LRCH4: variants seen among roughly 807,000 people sequenced by gnomAD.
LRCH4 encodes the protein leucine-rich repeat and calponin homology domain-containing protein 4.
LRCH4 carries 56 observed loss-of-function variants against 81.2 expected under a neutral mutation model. The observed-to-expected ratio is 0.69, with a 90% CI of 0.56 to 0.86. The LOEUF (loss-of-function observed/expected upper bound fraction) is 0.86, where lower values mean the gene tolerates loss of function less well. Ranked by LOEUF, LRCH4 falls within the 40% of genes least tolerant of loss-of-function variation. The pLI is 0.00. For missense variants in LRCH4, 895 were observed against 922.8 expected (o/e 0.97, Z 0.39); for synonymous variants, 442 against 409.7 (o/e 1.08, Z -0.95).
chr7:100,585,927 G>A lies in LRCH4; in HGVS notation c.174C>T (p.Pro58=), dbSNP rs778995708. Residue 58 remains proline (P), a synonymous_variant, in exon 1 of 18, where the codon CCC becomes CCT. Transcript: ENST00000310300. The part of the protein sequence containing the change: ...NLSNRRLKHF[P]RGAARSYDLS... ...GGTCGTAGCTACGGGCCGCGCCCCG[G>A]GGGAAGTGCTTCAAGCGCCGGTTAG... The A allele has an allele frequency of 1.1e-5, 17 of 1,612,184 alleles. No individual in the cohort carries two copies. Among genetic ancestry groups the A allele is most frequent in the Non-Finnish European group, 1.4e-5 (17 of 1,179,050 alleles).
chr7:100,583,787 G>A lies in LRCH4; in HGVS notation c.221-1328C>T, dbSNP rs138617061. Among the ~76,000 whole-genome samples, 948 of 152,206 alleles carry A rather than the reference G, an allele frequency of 6.2e-3. 6 individuals are homozygous for A. Among genetic ancestry groups the A allele is most frequent in the Non-Finnish European group, 8.9e-3 (604 of 67,990 alleles). The stretch of plus-strand genomic sequence containing the variant: ...GATGGCATTTGCCCCTCCCAGCCTC[G>A]CCTCCACCTGCCCGCTTTCTCTGCA... On this transcript the variant is annotated intron_variant, in intron 1 of 17. Transcript: ENST00000310300. The surrounding 1 kb of genome is among the most constrained non-coding windows in gnomAD (Gnocchi z 4.3).
At chr7:100,585,544 G>A (rs1361491181) in intron 1 of LRCH4, among the ~76,000 whole-genome samples, 1 of 152,012 alleles carries the variant, frequency 6.6e-6, no homozygotes, top group Non-Finnish European at 1.5e-5. Context: ...CTGCTTCATA[G>A]ACCGATTGGA....
intron 4 of LRCH4, chr7:100,580,723 C>G (rs1801518699): frequency 6.6e-6 from 1 of 151,950 alleles, no homozygotes; most frequent in African/African-American, 2.4e-5. Flanking sequence ...AACACAGACA[C>G]ACAAACATAC....
At chr7:100,581,711 A>G in intron 4 of LRCH4, 66 bp downstream of exon 4, 1 of 1,406,240 alleles carries the variant, frequency 7.1e-7, no homozygotes, top group East Asian at 2.3e-5. Context: ...TGTTTTCGTT[A>G]CCGCAGCCTG....
In LRCH4 at chr7:100,577,529, C is replaced by T; in HGVS notation, c.1146G>A (p.Gly382=). Residue 382 remains glycine (G), a synonymous_variant, in exon 10 of 18, where the codon GGG becomes GGA. Coordinates refer to ENST00000310300, the MANE Select transcript of LRCH4 (RefSeq NM_002319.5). This position sits in a 1 kb window ranked among gnomAD's most constrained non-coding sequence, Gnocchi z 6.7. The part of the protein sequence containing the change: ...EEQRPPELSP[G]AGDRERAPSS... ...TTGGTGCCCTCTCCCTGTCCCCTGCCCCAGGGCTTAATTCGGGTGGTCGCT... is the reference window on the plus strand; with the variant it reads ...TTGGTGCCCTCTCCCTGTCCCCTGCTCCAGGGCTTAATTCGGGTGGTCGCT... 6.2e-7 allele frequency: 1 copy of T among 1,610,486 alleles called. No homozygotes were observed.
rs561768975 is a variant in LRCH4, at chr7:100,574,592, G to A, written c.*515C>T. 6.1e-3 allele frequency: 931 copies of A among 152,282 alleles called. 5 individuals carry two copies. The highest frequency in any genetic ancestry group is 9.4e-3 in the Non-Finnish European group (642 of 68,292). The allele number at this position is 152,282 out of a possible 1,614,324, so 9.4% of individuals were successfully genotyped here. A position where few individuals can be genotyped will look rare whatever the true frequency, so the allele number is the denominator to read the frequency against. On this transcript the variant is annotated 3_prime_UTR_variant, in exon 18 of 18. Coordinates refer to ENST00000310300, the MANE Select transcript of LRCH4 (RefSeq NM_002319.5). ...AGATGCTGGTGGGCACAGAGCCATGGCCACAGCCACCAACACGCGGAGCAG... is the reference window on the plus strand; with the variant it reads ...AGATGCTGGTGGGCACAGAGCCATGACCACAGCCACCAACACGCGGAGCAG...
intron 1 of LRCH4, chr7:100,584,083 C>T (rs1342611222): frequency 5.3e-5 from 24 of 451,980 alleles, no homozygotes; most frequent in Non-Finnish European, 8.5e-5. Context: ...CTAGGCGACA[C>T]GCAGCGAAGA....
intron 3 of LRCH4, 57 bp downstream of exon 3, chr7:100,581,984 A>AG: frequency 6.2e-7 from 1 of 1,601,788 alleles, no homozygotes; most frequent in Admixed American, 1.7e-5. Flanking sequence ...ACCTCCCCCT[A>AG]GAAGGTCCCG....
Position 100,578,871 on chromosome 7 carries a change from G to C in LRCH4, c.599-85C>G. On this transcript the variant is annotated intron_variant, in intron 4 of 17. Transcript: ENST00000310300. This position sits in a 1 kb window ranked among gnomAD's most constrained non-coding sequence, Gnocchi z 5.7. ...ACTCCCTCACCCTTGGCTCCAGCTGGCCAGTCACCCTGGGCCCAGCACAGC... is the reference window on the plus strand; with the variant it reads ...ACTCCCTCACCCTTGGCTCCAGCTGCCCAGTCACCCTGGGCCCAGCACAGC... 1 of 1,484,750 alleles carries C rather than the reference G, an allele frequency of 6.7e-7. No homozygotes were observed. Among genetic ancestry groups the C allele is most frequent in the Non-Finnish European group, 9.2e-7 (1 of 1,091,584 alleles). The allele number at this position is 1,484,750 out of a possible 1,614,324, so 92.0% of individuals were successfully genotyped here. A position where few individuals can be genotyped will look rare whatever the true frequency, so the allele number is the denominator to read the frequency against.
In LRCH4 at chr7:100,576,949, G is replaced by A. The variant is rs750778260; in HGVS notation, c.1421C>T (p.Pro474Leu). Residue 474 changes from proline to leucine, a missense_variant, in exon 13 of 18, where the codon CCC becomes CTC. Physicochemically the swap from Pro to Leu is moderately conservative, Grantham distance 98 (BLOSUM62 -3). This residue lies in a region of LRCH4 where 529 missense variants were observed against 504.9 expected (regional missense o/e 1.05). Coordinates refer to ENST00000310300, the MANE Select transcript of LRCH4 (RefSeq NM_002319.5). Reference protein sequence around the residue: ...QAGAAAGQGAPAPAPASQEPL... With the variant: ...QAGAAAGQGALAPAPASQEPL... ...CTCTTGGGAGGCAGGGGCAGGGGCG[G>A]GGGCTCCCTGCCCCGCTGCAGCCCC... The A allele has an allele frequency of 1.3e-6, 2 of 1,580,296 alleles. No individual in the cohort carries two copies. The highest frequency in any genetic ancestry group is 1.1e-5 in the South Asian group (1 of 87,670).
chr7:100,584,496 G>A (rs1433919626), intron 1 of LRCH4, among the ~76,000 whole-genome samples: 1 of 151,640 alleles, frequency 6.6e-6, no homozygotes. Context: ...CACAGGGAGA[G>A]ACAGCCTAAG....
At chr7:100,581,646 C>G in intron 4 of LRCH4, 131 bp downstream of exon 4, 1 of 746,172 alleles carries the variant, frequency 1.3e-6, no homozygotes, top group Non-Finnish European at 2.2e-6. Flanking sequence ...TGAACTTCAG[C>G]TTCCAGAACT....
rs1203829932 is a variant in LRCH4 at position 100,578,619 on chromosome 7, G to A, written c.735+31C>T. ...CCCACTCCTGCCTAGCCACACCCCT[G>A]TCCTCGTGGCCCCCCAGGCACCCGC... is the stretch of plus-strand genomic sequence containing the variant. On this transcript the variant is annotated intron_variant, in intron 5 of 17. Coordinates refer to ENST00000310300, the MANE Select transcript of LRCH4 (RefSeq NM_002319.5). The surrounding 1 kb of genome is among the most constrained non-coding windows in gnomAD (Gnocchi z 5.7). 1 of 1,609,434 alleles carries A rather than the reference G, an allele frequency of 6.2e-7. No homozygotes were observed. Among genetic ancestry groups the A allele is most frequent in the South Asian group, 1.1e-5 (1 of 90,560 alleles).
At position 100,574,066 on chromosome 7, in the gene LRCH4, G is replaced by A. The variant is rs924448630; in HGVS notation, c.*1041C>T. On this transcript the variant is annotated 3_prime_UTR_variant, in exon 18 of 18. Coordinates refer to ENST00000310300, the MANE Select transcript of LRCH4 (RefSeq NM_002319.5). ...GGCTTCTGTTTATTGCGGCTGACAC[G>A]ACACCTGCGACACCCGCGGTCCTTC... is the stretch of plus-strand genomic sequence containing the variant. The A allele has an allele frequency of 3.8e-5, 6 of 157,672 alleles. No homozygotes were observed. The highest frequency in any genetic ancestry group is 1.8e-4 in the East Asian group (1 of 5,526). 9.8% of individuals were successfully genotyped at this position (157,672 alleles called of 1,614,324 possible).
Position 100,574,834 on chromosome 7 carries a change from CGGGGTACAGAGGGCAGGGGCA to C in LRCH4, c.*252_*272del, listed in dbSNP as rs1801291999. 2.6e-6 allele frequency: 1 copy of C among 382,288 alleles called. No homozygotes were observed. Among genetic ancestry groups the C allele is most frequent in the Admixed American group, 4.1e-5 (1 of 24,282 alleles). 23.7% of individuals were successfully genotyped at this position (382,288 alleles called of 1,614,324 possible). A position where few individuals can be genotyped will look rare whatever the true frequency, so the allele number is the denominator to read the frequency against. On this transcript the variant is annotated 3_prime_UTR_variant, in exon 18 of 18. Transcript: ENST00000310300. ...AGACTCCAGCTCCTGCCACCCCTCA[CGGGGTACAGAGGGCAGGGGCA>C]GGGCCGGCGGGGACATGAAGGCACC...
rs1801639300 is a variant in LRCH4, at chr7:100,583,986, T to C, written c.221-1527A>G. 1 of 364,566 alleles carries C rather than the reference T, an allele frequency of 2.7e-6. No homozygotes were observed. The highest frequency in any genetic ancestry group is 2.1e-5 in the African/African-American group (1 of 47,276). The allele number at this position is 364,566 out of a possible 1,614,324, so 22.6% of individuals were successfully genotyped here. ...GGAGAGAATGAGCTGCACTTCTCCT[T>C]TGCAAGATGGCCCCTCCCCGCCACC... On this transcript the variant is annotated intron_variant, in intron 1 of 17. Transcript: ENST00000310300. The surrounding 1 kb of genome is among the most constrained non-coding windows in gnomAD (Gnocchi z 4.3).
Position 100,577,273 on chromosome 7 carries a change from C to T in LRCH4, c.1295G>A (p.Ser432Asn). The change falls in exon 11 of 18, where the codon AGC (serine) becomes AAC (asparagine). Residue 432 changes from serine (S) to asparagine (N), a missense_variant and splice_region_variant. Ser to Asn is a conservative substitution (Grantham distance 46). Transcript: ENST00000310300. The surrounding 1 kb of genome is among the most constrained non-coding windows in gnomAD (Gnocchi z 6.7). ...AGCCCCGGGCGGCCCTGGGTCCCACCTATCCTTCCTCGGGGCCCCCCACGC... is the reference window on the plus strand; with the variant it reads ...AGCCCCGGGCGGCCCTGGGTCCCACTTATCCTTCCTCGGGGCCCCCCACGC... ...SGAWGAPRKD[S>N]LLKPGLRAVV... 6.2e-7 allele frequency: 1 copy of T among 1,601,742 alleles called. No homozygotes were observed. Among genetic ancestry groups the T allele is most frequent in the African/African-American group, 1.3e-5 (1 of 75,008 alleles).
At chr7:100,582,000 T>C (rs1345565990) in intron 3 of LRCH4, 41 bp downstream of exon 3, 1 of 1,600,290 alleles carries the variant, frequency 6.2e-7, no homozygotes, top group Non-Finnish European at 8.5e-7. Flanking sequence ...TCCCGCTGCC[T>C]GGCTCAGGGG....
rs1204234621 is a variant in LRCH4, at chr7:100,577,141, C to G, written c.1309G>C (p.Gly437Arg). ...APRKDSLLKPGLRAVVGGAAA... is the reference protein window; with the variant it reads ...APRKDSLLKPRLRAVVGGAAA... ...GCCCCTCCCACAACAGCCCTGAGCC[C>G]TGGCTTCAAGAGGCTGGAACAAGGA... Residue 437 changes from glycine to arginine, a missense_variant, in exon 12 of 18, where the codon GGG (glycine) becomes CGG (arginine). Coordinates refer to ENST00000310300, the MANE Select transcript of LRCH4 (RefSeq NM_002319.5). The surrounding 1 kb of genome is among the most constrained non-coding windows in gnomAD (Gnocchi z 6.7). 6.2e-7 allele frequency: 1 copy of G among 1,614,084 alleles called. No homozygotes were observed. The highest frequency in any genetic ancestry group is 2.2e-5 in the East Asian group (1 of 44,870).
Sources: gnomAD v4.1 joint callset for allele counts (sites outside exome capture counted in the v4.1 genomes callset) on GRCh38, gnomAD v4.1.1 for gene constraint, gnomAD v4.1.1 regional missense constraint, Gnocchi (gnomAD v3.1) non-coding constraint, MANE v1.5 for transcripts, NCBI Gene and HGNC (gene_info 2026-07-23, HGNC 2026-07-21) for gene names.